AGBL1: variants seen among roughly 807,000 people sequenced by gnomAD.
AGBL1 encodes the protein cytosolic carboxypeptidase 4.
A neutral mutation model predicts 118.9 loss-of-function variants in AGBL1; 130 were observed. That is an observed-to-expected ratio of 1.09 (90% CI 0.95 to 1.26). The LOEUF is 1.26. AGBL1 is among the 50% of genes most tolerant of loss of function. The pLI, the probability that AGBL1 is intolerant of heterozygous loss-of-function variation, is 0.00. For synonymous variants in AGBL1, 555 were observed against 478.9 expected (o/e 1.16, Z -2.08); for missense variants, 1,584 against 1,298.1 (o/e 1.22, Z -3.38).
At chr15:86,259,467 T>A (rs545952598) in intron 9 of AGBL1, among the ~76,000 whole-genome samples, 2 of 152,250 alleles carry the variant, frequency 1.3e-5, no homozygotes, top group African/African-American at 4.8e-5. Context: ...AAATCAAAAA[T>A]CTTCCCTCCT....
intron 23 of AGBL1, among the ~76,000 whole-genome samples, chr15:86,948,623 G>A (rs764148883): frequency 6.6e-6 from 1 of 152,212 alleles, no homozygotes; most frequent in Non-Finnish European, 1.5e-5. Context: ...GTGATTGAAT[G>A]CGTGTGATGA....
intron 24 of AGBL1, among the ~76,000 whole-genome samples, chr15:86,999,676 A>G (rs900289178): frequency 6.6e-6 from 1 of 151,148 alleles, no homozygotes; most frequent in South Asian, 2.1e-4. Flanking sequence ...GAATAATGCC[A>G]CAATAAACAC....
At chr15:86,744,782 T>C (rs2077730214) in intron 22 of AGBL1, among the ~76,000 whole-genome samples, 1 of 152,176 alleles carries the variant, frequency 6.6e-6, no homozygotes, top group South Asian at 2.1e-4. Flanking sequence ...TCAGTTGAGT[T>C]AATACATAGT....
chr15:86,754,921 T>G (rs1301981079), intron 22 of AGBL1, among the ~76,000 whole-genome samples: 1 of 152,108 alleles, frequency 6.6e-6, no homozygotes, highest in Non-Finnish European at 1.5e-5. Context: ...ATCCATCCTT[T>G]GCTTTCGATT....
chr15:86,571,788 C>A (rs1411111708), intron 21 of AGBL1, among the ~76,000 whole-genome samples: 1 of 152,198 alleles, frequency 6.6e-6, no homozygotes, highest in Non-Finnish European at 1.5e-5. Flanking sequence ...ACAAGCTCCC[C>A]CTCTGGTCTG....
At chr15:86,671,640 T>G (rs937554727) in intron 21 of AGBL1, among the ~76,000 whole-genome samples, 5 of 152,162 alleles carry the variant, frequency 3.3e-5, no homozygotes, top group Admixed American at 2.0e-4. Flanking sequence ...TGAATAAGTC[T>G]CCTGGAGCCA....
At chr15:86,992,972 G>A (rs2081348269) in intron 24 of AGBL1, among the ~76,000 whole-genome samples, 1 of 152,132 alleles carries the variant, frequency 6.6e-6, no homozygotes, top group African/African-American at 2.4e-5. Context: ...AGTGTGGTGA[G>A]TGTGTGGAAG....
intron 22 of AGBL1, among the ~76,000 whole-genome samples, chr15:86,716,336 G>T (rs2142705433): frequency 6.6e-6 from 1 of 152,054 alleles, no homozygotes; most frequent in Admixed American, 6.5e-5. Context: ...AATCTGAAAG[G>T]CTCGGAAGTG....
intron 1 of AGBL1, among the ~76,000 whole-genome samples, chr15:86,131,454 C>T (rs928867548): frequency 6.6e-6 from 1 of 151,962 alleles, no homozygotes; most frequent in African/African-American, 2.4e-5. Flanking sequence ...TTTTTTTAAA[C>T]TTGCTATATT....
At chr15:86,476,226 A>C (rs559493596) in intron 18 of AGBL1, among the ~76,000 whole-genome samples, 34 of 152,322 alleles carry the variant, frequency 2.2e-4, no homozygotes, top group African/African-American at 7.5e-4. Flanking sequence ...ATTCACACCT[A>C]ACAATATTAA....
chr15:87,011,154 C>A (rs775459599), intron 24 of AGBL1, among the ~76,000 whole-genome samples: 7 of 152,174 alleles, frequency 4.6e-5, no homozygotes, highest in Non-Finnish European at 1.0e-4. Flanking sequence ...ACATAAGAAC[C>A]TGCCTTGTCT....
chr15:86,320,611 A>T (rs537441994), intron 17 of AGBL1, among the ~76,000 whole-genome samples: 1 of 151,974 alleles, frequency 6.6e-6, no homozygotes, highest in Non-Finnish European at 1.5e-5. Flanking sequence ...ATTCAGAACA[A>T]TGCTTATTAT....
intron 21 of AGBL1, among the ~76,000 whole-genome samples, chr15:86,610,402 T>C (rs2084640112): frequency 6.6e-6 from 1 of 152,178 alleles, no homozygotes; most frequent in South Asian, 2.1e-4. Flanking sequence ...ATTTTTAGCA[T>C]GTGATGATGG....
intron 24 of AGBL1, among the ~76,000 whole-genome samples, chr15:87,008,264 A>G (rs896344443): frequency 1.3e-5 from 2 of 152,090 alleles, no homozygotes; most frequent in Admixed American, 6.5e-5. Flanking sequence ...GTGGGAGGTG[A>G]TTGAATCATG....
intron 5 of AGBL1, among the ~76,000 whole-genome samples, chr15:86,163,156 G>C (rs79925784): frequency 0.013 from 2,035 of 152,330 alleles, 32 homozygotes; most frequent in East Asian, 0.078. Flanking sequence ...TTCAAACGAG[G>C]CTGAGCATGG....
intron 24 of AGBL1, among the ~76,000 whole-genome samples, chr15:87,015,878 A>G (rs2081604230): frequency 6.6e-6 from 1 of 152,160 alleles, no homozygotes; most frequent in Non-Finnish European, 1.5e-5. Flanking sequence ...TTTAAGGTAT[A>G]CTACCTTAGA....
At chr15:86,318,853 G>A (rs28698762) in intron 17 of AGBL1, among the ~76,000 whole-genome samples, 1 of 151,774 alleles carries the variant, frequency 6.6e-6, no homozygotes, top group Non-Finnish European at 1.5e-5. Flanking sequence ...TGAATGAAGT[G>A]TTATTATTAT....
At chr15:86,549,028 C>G (rs775707017) in intron 20 of AGBL1, among the ~76,000 whole-genome samples, 1 of 151,996 alleles carries the variant, frequency 6.6e-6, no homozygotes, top group Non-Finnish European at 1.5e-5. Context: ...AGAATTCACT[C>G]ATTATTGCAA....
At position 86,143,782 on chromosome 15, in the gene AGBL1, G is replaced by GCTCCTCCAGACTATGACATC; in HGVS notation, c.205_224dup (p.Pro76GlnfsTer18). The GCTCCTCCAGACTATGACATC allele has an allele frequency of 6.2e-7, 1 of 1,613,938 alleles. No individual in the cohort carries two copies. Among genetic ancestry groups the GCTCCTCCAGACTATGACATC allele is most frequent in the Non-Finnish European group, 8.5e-7 (1 of 1,179,826 alleles). On this transcript the variant is annotated frameshift_variant, in exon 3 of 23. Coordinates refer to ENST00000614907, the MANE Select transcript of AGBL1 (RefSeq NM_001386094.1). LOFTEE classifies it high-confidence loss of function. ...GACCCTGGTAGACACAGCGAGGACA[G>GCTCCTCCAGACTATGACATC]CTCCTCCAGACTATGACATCCTCCT...
Sources: gnomAD v4.1 joint callset for allele counts (sites outside exome capture counted in the v4.1 genomes callset) on GRCh38, gnomAD v4.1.1 for gene constraint, MANE v1.5 for transcripts, NCBI Gene and HGNC (gene_info 2026-07-23, HGNC 2026-07-21) for gene names.